The following WNT2B variants were observed in gnomAD, a reference collection of about 807,000 sequenced individuals.
WNT2B encodes the protein protein Wnt-2b.
Under a neutral mutation model 40.5 loss-of-function variants are expected in WNT2B, and 19 were observed. The ratio of observed to expected loss-of-function variants is 0.47; its 90% CI spans 0.33 to 0.69. The LOEUF (loss-of-function observed/expected upper bound fraction) is 0.69. Among genes scored for constraint, WNT2B ranks in the 30% least tolerant of loss-of-function variants. The pLI is 0.02. For synonymous variants in WNT2B, 220 were observed against 211.9 expected, an observed-to-expected ratio of 1.04 and a Z score of -0.33; for missense variants, 467 against 556.4, an observed-to-expected ratio of 0.84 and a Z score of 1.62.
upstream of WNT2B, among the ~76,000 whole-genome samples, chr1:112,506,017 A>C (rs1652095047): frequency 6.6e-6 from 1 of 151,502 alleles, no homozygotes; most frequent in African/African-American, 2.4e-5. Context: ...ATTTCTATTT[A>C]TTTATTTTGA....
chr1:112,474,672 C>T (rs911577909), intron 1 of WNT2B, among the ~76,000 whole-genome samples: 10 of 152,196 alleles, frequency 6.6e-5, no homozygotes, highest in African/African-American at 1.4e-4. Flanking sequence ...TGTGAAACAC[C>T]GTTCAGAAAA....
At chr1:112,475,537 T>C (rs1354187997) in intron 1 of WNT2B, among the ~76,000 whole-genome samples, 1 of 152,136 alleles carries the variant, frequency 6.6e-6, no homozygotes, top group Non-Finnish European at 1.5e-5. Context: ...ATAAAATGTA[T>C]GACAATGATA....
chr1:112,507,079 G>A (rs1426310718), upstream of WNT2B, among the ~76,000 whole-genome samples: 1 of 152,112 alleles, frequency 6.6e-6, no homozygotes, highest in African/African-American at 2.4e-5. Flanking sequence ...CTCTGCCCTC[G>A]GCTTAGGATG....
In WNT2B at chr1:112,525,861, C is replaced by T; in HGVS notation, c.*5352C>T. On this transcript the variant is annotated 3_prime_UTR_variant, in exon 5 of 5. Transcript: ENST00000369684. ...CCAAGGGGGGTTTGCCTAGGAATAA[C>T]AATATTCATAAGAAGCTTTTTCATA... The T allele has an allele frequency of 9.3e-7, 1 of 1,075,522 alleles. No homozygotes were observed. The highest frequency in any genetic ancestry group is 1.3e-6 in the Non-Finnish European group (1 of 782,814). The allele number at this position is 1,075,522 out of a possible 1,614,324, so 66.6% of individuals were successfully genotyped here.
Position 112,509,363 on chromosome 1 carries a change from G to C in WNT2B, c.101G>C (p.Arg34Pro), listed in dbSNP as rs1242933534. ...VPSPAAPDGS[R>P]ASARLGLACL... Reference sequence around the variant, plus strand: ...TCGCCCGCGGCCCCCGACGGCTCCCGGGCTTCGGCCCGCCTAGGTCTTGCC... The same window carrying C: ...TCGCCCGCGGCCCCCGACGGCTCCCCGGCTTCGGCCCGCCTAGGTCTTGCC... Residue 34 changes from arginine to proline, a missense_variant, in exon 1 of 5, where the codon CGG (arginine) becomes CCG (proline). Arg to Pro is a moderately radical substitution (Grantham distance 103). Coordinates refer to ENST00000369684, the MANE Select transcript of WNT2B (RefSeq NM_024494.3). The surrounding 1 kb of genome is among the most constrained non-coding windows in gnomAD (Gnocchi z 4.2). 6.3e-7 allele frequency: 1 copy of C among 1,595,428 alleles called. No homozygotes were observed. Among genetic ancestry groups the C allele is most frequent in the East Asian group, 2.3e-5 (1 of 43,936 alleles).
chr1:112,507,512 G>A (rs116966955), upstream of WNT2B, among the ~76,000 whole-genome samples: 10 of 152,338 alleles, frequency 6.6e-5, no homozygotes, highest in East Asian at 1.9e-3. Flanking sequence ...ACAGAAGTTG[G>A]GGCTGCGGAG....
chr1:112,525,937 G>A lies in WNT2B; in HGVS notation c.*5428G>A. 1 of 1,591,532 alleles carries A rather than the reference G, an allele frequency of 6.3e-7. No individual in the cohort carries two copies. Among genetic ancestry groups the A allele is most frequent in the Non-Finnish European group, 8.6e-7 (1 of 1,165,172 alleles). On this transcript the variant is annotated 3_prime_UTR_variant, in exon 5 of 5. Transcript: ENST00000369684. ...ATCCTCACAACAACCCTGTGAGGTAGGGGTTACTGTCACTTTACAGATGCT... is the reference window on the plus strand; with the variant it reads ...ATCCTCACAACAACCCTGTGAGGTAAGGGTTACTGTCACTTTACAGATGCT...
chr1:112,490,146 C>T (rs1651551484), intron 1 of WNT2B, among the ~76,000 whole-genome samples: 1 of 152,052 alleles, frequency 6.6e-6, no homozygotes. Context: ...AAGAGAGACA[C>T]CTCGCACAGG....
intron 1 of WNT2B, among the ~76,000 whole-genome samples, chr1:112,473,542 A>C (rs1236500217): frequency 1.3e-5 from 2 of 151,248 alleles, no homozygotes; most frequent in Non-Finnish European, 2.9e-5. Flanking sequence ...AATCCATAAT[A>C]AAACACAGAG....
chr1:112,516,414 C>T lies in WNT2B; in HGVS notation c.678C>T (p.Arg226=). ...ACTTACATAATAACCGCTGTGGTCG[C>T]ACGGTCAGTACTCATGTCTGTGTAA... ...LMNLHNNRCG[R]TAVRRFLKLE... is the part of the protein sequence containing the mutation. The change falls in exon 3 of 5, where the codon CGC becomes CGT. Residue 226 remains arginine, a synonymous_variant. Transcript: ENST00000369684. 2 of 1,611,164 alleles carry T rather than the reference C, an allele frequency of 1.2e-6. No individual in the cohort carries two copies. The highest frequency in any genetic ancestry group is 2.2e-5 in the South Asian group (2 of 90,530).
Position 112,496,663 on chromosome 1 carries a change from T to C in WNT2B, c.-94-18211T>C, listed in dbSNP as rs143850651. On this transcript the variant is annotated intron_variant, in intron 1 of 4. Coordinates refer to the WNT2B transcript ENST00000256640. ...TTGCCCAGGCTGGAGCGCAATGGTATGATCTTGGCTCACCACAACCTCCTC... is the reference window on the plus strand; with the variant it reads ...TTGCCCAGGCTGGAGCGCAATGGTACGATCTTGGCTCACCACAACCTCCTC... Among the ~76,000 whole-genome samples the C allele has an allele frequency of 4.0e-3, 615 of 151,924 alleles. 8 individuals are homozygous for C. The highest frequency in any genetic ancestry group is 2.5e-3 in the East Asian group (13 of 5,166).
At chr1:112,490,583 G>A (rs1346966328) in intron 1 of WNT2B, among the ~76,000 whole-genome samples, 3 of 150,610 alleles carry the variant, frequency 2.0e-5, no homozygotes, top group Non-Finnish European at 4.4e-5. Flanking sequence ...TCCGCCTCCC[G>A]GGTTCACGCC....
chr1:112,490,389 T>C (rs1451076328), intron 1 of WNT2B, among the ~76,000 whole-genome samples: 6 of 152,158 alleles, frequency 3.9e-5, no homozygotes, highest in Admixed American at 2.0e-4. Context: ...CTGTTTTCAA[T>C]GTAACCTGTA....
At chr1:112,512,888 G>C (rs540230764) in intron 1 of WNT2B, among the ~76,000 whole-genome samples, 7 of 152,136 alleles carry the variant, frequency 4.6e-5, no homozygotes, top group Non-Finnish European at 1.0e-4. Context: ...GTGGAGTAAG[G>C]GTGGTAATAG....
chr1:112,525,989 A>G lies in WNT2B; in HGVS notation c.*5480A>G. The G allele has an allele frequency of 6.2e-7, 1 of 1,613,582 alleles. No homozygotes were observed. The highest frequency in any genetic ancestry group is 8.5e-7 in the Non-Finnish European group (1 of 1,179,650). On this transcript the variant is annotated 3_prime_UTR_variant, in exon 5 of 5. Coordinates refer to ENST00000369684, the MANE Select transcript of WNT2B (RefSeq NM_024494.3). ...TTCAGAAAAATTTGGTGATTTGTCCAAGGTCACATGAACAGTGCGTGGCTC... is the reference window on the plus strand; with the variant it reads ...TTCAGAAAAATTTGGTGATTTGTCCGAGGTCACATGAACAGTGCGTGGCTC...
In WNT2B at chr1:112,486,328, A is replaced by G. The variant is rs145452018; in HGVS notation, c.-95+18737A>G. Among the ~76,000 whole-genome samples the G allele has an allele frequency of 2.9e-3, 440 of 152,290 alleles. 1 individual carries two copies. The highest frequency in any genetic ancestry group is 0.01 in the African/African-American group (420 of 41,556). ...CATGGTGTTAAGTGCCTGTAGTCCC[A>G]GTTATTCAGGAGTCTGATGTGGGAG... On this transcript the variant is annotated intron_variant, in intron 1 of 4. Transcript: ENST00000256640.
intron 1 of WNT2B, among the ~76,000 whole-genome samples, chr1:112,480,891 G>A (rs185653573): frequency 8.3e-4 from 127 of 152,178 alleles, no homozygotes; most frequent in African/African-American, 2.6e-3. Flanking sequence ...ACCATAGGCC[G>A]GGCATGGTGG....
At chr1:112,506,089 C>A (rs945875981), upstream of WNT2B, among the ~76,000 whole-genome samples, 1 of 152,174 alleles carries the variant, frequency 6.6e-6, no homozygotes, top group Non-Finnish European at 1.5e-5. Context: ...TCACTGCAGC[C>A]TTGACTTCCT....
chr1:112,469,802 TG>T (rs1250860493), intron 1 of WNT2B, among the ~76,000 whole-genome samples: 1 of 152,030 alleles, frequency 6.6e-6, no homozygotes. Context: ...TTAGTAGAGA[TG>T]GGGTTTCACC....
Sources: allele counts gnomAD v4.1 joint callset (sites outside exome capture counted in the v4.1 genomes callset), GRCh38; gene constraint gnomAD v4.1.1; non-coding constraint Gnocchi (gnomAD v3.1); transcripts MANE v1.5; gene names NCBI Gene and HGNC (gene_info 2026-07-23, HGNC 2026-07-21).